NRG1: variants seen among roughly 807,000 people sequenced by gnomAD.
NRG1 encodes the protein neuregulin 1.
NRG1 carries 18 observed loss-of-function variants against 63.8 expected under a neutral mutation model. The ratio of observed to expected loss-of-function variants is 0.28; its 90% confidence interval spans 0.19 to 0.42. The LOEUF (loss-of-function observed/expected upper bound fraction) is 0.42, where lower values mean the gene tolerates loss of function less well. Among genes scored for constraint, NRG1 ranks in the 10% least tolerant of loss-of-function variants. The pLI, the probability that NRG1 is intolerant of heterozygous loss-of-function variation, is 1.00. For missense variants in NRG1, 762 were observed against 814.7 expected (o/e 0.94, Z 0.79); for synonymous variants, 302 against 301.3 (o/e 1.00, Z -0.02).
intron 1 of NRG1, among the ~76,000 whole-genome samples, chr8:31,818,861 T>C (rs572120141): frequency 6.6e-6 from 1 of 151,992 alleles, no homozygotes; most frequent in Non-Finnish European, 1.5e-5. Flanking sequence ...ATCGAGACCA[T>C]CCTGGCTAAC....
rs544901149 is a variant in NRG1 at position 32,552,772 on chromosome 8, A to G, written c.100+3946A>G. Among the ~76,000 whole-genome samples, 6 of 152,326 alleles carry G rather than the reference A, an allele frequency of 3.9e-5. No individual in the cohort carries two copies. The South Asian group carries it at 1.2e-3, about 32-fold the overall frequency. ...GCGGAAGAAAGTTGTATATTCAGAC[A>G]TGAATACTTCTCATACCCATGAAAT... is the stretch of plus-strand genomic sequence containing the variant. On this transcript the variant is annotated intron_variant, in intron 1 of 11. Transcript: ENST00000356819.
intron 1 of NRG1, among the ~76,000 whole-genome samples, chr8:32,422,771 GT>G (rs1816853527): frequency 6.6e-6 from 1 of 152,202 alleles, no homozygotes; most frequent in Admixed American, 6.5e-5. Context: ...ATGTCTAATG[GT>G]TTTTGAATTA....
chr8:32,496,995 G>A (rs1827271174), intron 1 of NRG1, among the ~76,000 whole-genome samples: 1 of 152,090 alleles, frequency 6.6e-6, no homozygotes, highest in African/African-American at 2.4e-5. Context: ...AAGTTGCCCA[G>A]AATCACGCAG....
At chr8:32,261,358 A>AGT (rs3055547) in intron 1 of NRG1, among the ~76,000 whole-genome samples, 18,743 of 148,126 alleles carry the variant, frequency 0.13, 1,357 homozygotes, top group Middle Eastern at 0.19. Flanking sequence ...TGCTCCTATT[A>AGT]GTGTGTGTGT....
rs150874568 is a variant in NRG1 at position 32,364,275 on chromosome 8, A to C, written c.38-231553A>C. 9.9e-4 allele frequency among the ~76,000 whole-genome samples: 150 copies of C among 152,144 alleles called. 1 individual carries two copies. The highest frequency in any genetic ancestry group is 3.5e-3 in the African/African-American group (147 of 41,524). On this transcript the variant is annotated intron_variant, in intron 1 of 10. Transcript: ENST00000519301. ...TGCAACTTGCACAAAAGGTACAAGA[A>C]ATATACTATGAAAAGTCTCCCTCTC...
At chr8:32,667,534 A>G (rs751499710) in intron 5 of NRG1, among the ~76,000 whole-genome samples, 2 of 152,168 alleles carry the variant, frequency 1.3e-5, no homozygotes, top group Non-Finnish European at 2.9e-5. Context: ...AAGAATTCCT[A>G]TGGAAACATA....
At chr8:32,563,194 C>A (rs952589261) in intron 1 of NRG1, among the ~76,000 whole-genome samples, 3 of 152,144 alleles carry the variant, frequency 2.0e-5, no homozygotes, top group Non-Finnish European at 4.4e-5. Flanking sequence ...CAAGATAATT[C>A]TTCTTCCAAT....
At chr8:32,438,994 T>C (rs1195499096) in intron 1 of NRG1, among the ~76,000 whole-genome samples, 2 of 152,152 alleles carry the variant, frequency 1.3e-5, no homozygotes, top group Non-Finnish European at 2.9e-5. Flanking sequence ...TTTTTTATTC[T>C]CTTTACTGTT....
At chr8:32,351,929 G>C (rs1162429364) in intron 1 of NRG1, among the ~76,000 whole-genome samples, 2 of 151,898 alleles carry the variant, frequency 1.3e-5, no homozygotes, top group Non-Finnish European at 2.9e-5. Context: ...TTAAGTGATG[G>C]TCACAGACCA....
chr8:32,654,623 T>C (rs112978289), intron 5 of NRG1, among the ~76,000 whole-genome samples: 3,272 of 77,444 alleles, frequency 0.042, 136 homozygotes, highest in African/African-American at 0.13. Flanking sequence ...AGTCAGACTC[T>C]GCCTCAAAAA....
intron 1 of NRG1, among the ~76,000 whole-genome samples, chr8:31,643,328 G>A (rs1485051293): frequency 6.6e-6 from 1 of 152,234 alleles, no homozygotes; most frequent in African/African-American, 2.4e-5. Flanking sequence ...ATCATACCCA[G>A]GGGAACAGTT....
chr8:31,912,620 C>T lies in NRG1; in HGVS notation c.37+273189C>T, dbSNP rs570791499. On this transcript the variant is annotated intron_variant, in intron 1 of 10. Coordinates refer to the NRG1 transcript ENST00000519301. ...GTGTAAGGTTAGAAGACTAGAATGACGTTTGTCTATTATTCAGGAGATGTT... is the reference window on the plus strand; with the variant it reads ...GTGTAAGGTTAGAAGACTAGAATGATGTTTGTCTATTATTCAGGAGATGTT... Among the ~76,000 whole-genome samples the T allele has an allele frequency of 4.6e-5, 6 of 131,456 alleles. No individual in the cohort carries two copies. In the East Asian group the frequency reaches 8.9e-4, roughly 20 times the overall value. The allele number at this position is 131,456 out of a possible 152,430, so 86.2% of individuals were successfully genotyped here. A position where few individuals can be genotyped will look rare whatever the true frequency, so the allele number is the denominator to read the frequency against.
chr8:32,213,629 A>T (rs73576668), intron 1 of NRG1, among the ~76,000 whole-genome samples: 2,140 of 151,602 alleles, frequency 0.014, 53 homozygotes, highest in African/African-American at 0.047. Flanking sequence ...AAAAAAATTT[A>T]AAAAAAAAGA....
At chr8:32,680,128 C>G (rs940095826) in intron 5 of NRG1, among the ~76,000 whole-genome samples, 1 of 152,078 alleles carries the variant, frequency 6.6e-6, no homozygotes, top group African/African-American at 2.4e-5. Context: ...TTACCATGTC[C>G]TCAGTAAAAG....
intron 1 of NRG1, among the ~76,000 whole-genome samples, chr8:32,157,188 G>A (rs1838195957): frequency 6.6e-6 from 1 of 150,996 alleles, no homozygotes; most frequent in Admixed American, 6.6e-5. Context: ...TGGCCAACAT[G>A]GTGAAGCTCC....
At chr8:31,897,384 T>G (rs77457923) in intron 1 of NRG1, among the ~76,000 whole-genome samples, 21,533 of 152,150 alleles carry the variant, frequency 0.14, 1,984 homozygotes, top group Non-Finnish European at 0.19. Context: ...TAGTATCACC[T>G]GACAGATAGC....
At chr8:31,989,845 T>A (rs1810753952) in intron 1 of NRG1, among the ~76,000 whole-genome samples, 1 of 152,088 alleles carries the variant, frequency 6.6e-6, no homozygotes. Context: ...GGTTGGAATT[T>A]CTCTTGCTTG....
chr8:31,764,546 T>A (rs924838077), intron 1 of NRG1, among the ~76,000 whole-genome samples: 1 of 152,214 alleles, frequency 6.6e-6, no homozygotes, highest in African/African-American at 2.4e-5. Context: ...TTTTTTCAAA[T>A]ATATTTAGCA....
intron 1 of NRG1, among the ~76,000 whole-genome samples, chr8:32,353,781 T>C (rs1354175375): frequency 2.0e-5 from 3 of 152,196 alleles, no homozygotes; most frequent in African/African-American, 7.2e-5. Context: ...AATTTAAATG[T>C]ACATATCCCA....
Sources: gnomAD v4.1 joint callset for allele counts (sites outside exome capture counted in the v4.1 genomes callset) on GRCh38, gnomAD v4.1.1 for gene constraint, MANE v1.5 for transcripts, NCBI Gene and HGNC (gene_info 2026-07-23, HGNC 2026-07-21) for gene names.